Variants in GCGR observed in about 807,000 individuals in gnomAD.
GCGR encodes the protein glucagon receptor.
In GCGR, 41 loss-of-function variants were observed where a neutral mutation model predicts 56.1. That is an observed-to-expected ratio of 0.73 (90% confidence interval 0.57 to 0.95). GCGR has a LOEUF of 0.95. Among genes scored for constraint, GCGR ranks in the 40% least tolerant of loss-of-function variants. The pLI is 0.00. For missense variants in GCGR, 595 were observed against 638.2 expected (o/e 0.93, Z 0.73); for synonymous variants, 278 against 271.1 (o/e 1.03, Z -0.25).
Position 81,810,601 on chromosome 17 carries a change from G to A in GCGR, c.164-224G>A, listed in dbSNP as rs145742440. Among the ~76,000 whole-genome samples the A allele has an allele frequency of 3.0e-3, 457 of 152,190 alleles. 2 individuals carry two copies. The highest frequency in any genetic ancestry group is 0.01 in the African/African-American group (435 of 41,518). On this transcript the variant is annotated intron_variant, in intron 3 of 13. Coordinates refer to ENST00000400723, the MANE Select transcript of GCGR (RefSeq NM_000160.5). The surrounding 1 kb of genome is among the most constrained non-coding windows in gnomAD (Gnocchi z 4.6). ...GCTGCAATTCAGGGCTGGGCTGGGC[G>A]TGCTAGCGGAGGCTGGTCCAGGGGA... is the stretch of plus-strand genomic sequence containing the variant.
chr17:81,812,001 G>C lies in GCGR; in HGVS notation c.878+55G>C. On this transcript the variant is annotated intron_variant, in intron 9 of 13. Coordinates refer to ENST00000400723, the MANE Select transcript of GCGR (RefSeq NM_000160.5). This position sits in a 1 kb window ranked among gnomAD's most constrained non-coding sequence, Gnocchi z 8.5. The stretch of plus-strand genomic sequence containing the variant: ...AGGGACCGGGGGGCTGGGGTGCGGC[G>C]CTCTGGCCTGAGGCAGGGAGGGGCC... The C allele has an allele frequency of 6.5e-7, 1 of 1,533,206 alleles. No individual in the cohort carries two copies. The highest frequency in any genetic ancestry group is 8.7e-7 in the Non-Finnish European group (1 of 1,144,352). 95.0% of individuals were successfully genotyped at this position (1,533,206 alleles called of 1,614,324 possible).
At chr17:81,805,576 T>A (rs1233171625) in intron 1 of GCGR, among the ~76,000 whole-genome samples, 2 of 145,074 alleles carry the variant, frequency 1.4e-5, no homozygotes, top group African/African-American at 5.3e-5. Context: ...ACCCCCCACA[T>A]TGGGCACCTC....
rs914673538 is a variant in GCGR, at chr17:81,813,761, C to T, written c.*72C>T. The T allele has an allele frequency of 9.7e-5, 139 of 1,426,044 alleles. No homozygotes were observed. Among genetic ancestry groups the T allele is most frequent in the Non-Finnish European group, 1.0e-4 (109 of 1,064,700 alleles). 88.3% of individuals were successfully genotyped at this position (1,426,044 alleles called of 1,614,324 possible). A position where few individuals can be genotyped will look rare whatever the true frequency, so the allele number is the denominator to read the frequency against. ...CGTCGCTGGACAACCCAGAACTGGACGCCCAGCTGAGGCTGGGGGCGGGGG... is the reference window on the plus strand; with the variant it reads ...CGTCGCTGGACAACCCAGAACTGGATGCCCAGCTGAGGCTGGGGGCGGGGG... On this transcript the variant is annotated 3_prime_UTR_variant, in exon 14 of 14. Transcript: ENST00000400723. The surrounding 1 kb of genome is among the most constrained non-coding windows in gnomAD (Gnocchi z 5.3).
rs2037905410 is a variant in GCGR at position 81,804,485 on chromosome 17, C to A, written c.-178+236C>A. ...GCAGGTCCAGGGGTCTCAGCCCCTC[C>A]CCCGTTCTCTGGTCCTGGGGGGCGC... On this transcript the variant is annotated intron_variant, in intron 1 of 13. Transcript: ENST00000400723. The surrounding 1 kb of genome is among the most constrained non-coding windows in gnomAD (Gnocchi z 8.2). Among the ~76,000 whole-genome samples the A allele has an allele frequency of 6.6e-6, 1 of 151,738 alleles. No homozygotes were observed. Among genetic ancestry groups the A allele is most frequent in the African/African-American group, 2.4e-5 (1 of 41,342 alleles).
In GCGR at chr17:81,804,478, G is replaced by T. The variant is rs2037905112; in HGVS notation, c.-178+229G>T. On this transcript the variant is annotated intron_variant, in intron 1 of 13. Transcript: ENST00000400723. This position sits in a 1 kb window ranked among gnomAD's most constrained non-coding sequence, Gnocchi z 8.2. ...CCGTCGGGCAGGTCCAGGGGTCTCAGCCCCTCCCCCGTTCTCTGGTCCTGG... is the reference window on the plus strand; with the variant it reads ...CCGTCGGGCAGGTCCAGGGGTCTCATCCCCTCCCCCGTTCTCTGGTCCTGG... 6.6e-6 allele frequency among the ~76,000 whole-genome samples: 1 copy of T among 151,698 alleles called. No individual in the cohort carries two copies. Among genetic ancestry groups the T allele is most frequent in the South Asian group, 2.1e-4 (1 of 4,808 alleles).
chr17:81,810,756 G>C lies in GCGR; in HGVS notation c.164-69G>C. ...TCAGGCTTCCAGAGAGAGGAGAGAG[G>C]CCTGCTGAGGGAGCCCCTTCTCCCA... On this transcript the variant is annotated intron_variant, in intron 3 of 13. Coordinates refer to ENST00000400723, the MANE Select transcript of GCGR (RefSeq NM_000160.5). This position sits in a 1 kb window ranked among gnomAD's most constrained non-coding sequence, Gnocchi z 4.6. The C allele has an allele frequency of 1.4e-6, 2 of 1,394,820 alleles. No individual in the cohort carries two copies. The highest frequency in any genetic ancestry group is 2.0e-6 in the Non-Finnish European group (2 of 1,019,170). 86.4% of individuals were successfully genotyped at this position (1,394,820 alleles called of 1,614,324 possible). A position where few individuals can be genotyped will look rare whatever the true frequency, so the allele number is the denominator to read the frequency against.
chr17:81,807,696 C>T (rs1024832551), intron 1 of GCGR, among the ~76,000 whole-genome samples: 10 of 152,264 alleles, frequency 6.6e-5, no homozygotes, highest in Non-Finnish European at 1.5e-4. Context: ...CGTAACAGCC[C>T]GGGGGCTCAT....
In GCGR at chr17:81,804,931, G is replaced by C. The variant is rs377214123; in HGVS notation, c.-178+682G>C. Among the ~76,000 whole-genome samples, 13 of 152,290 alleles carry C rather than the reference G, an allele frequency of 8.5e-5. No homozygotes were observed. Among genetic ancestry groups the C allele is most frequent in the Admixed American group, 3.3e-4 (5 of 15,314 alleles). ...TCGGCGCCCGCATCCTCCAAGGACC[G>C]GCCAGGGCTGCTCTCTGCCCTTGGT... On this transcript the variant is annotated intron_variant, in intron 1 of 13. Transcript: ENST00000400723. The surrounding 1 kb of genome is among the most constrained non-coding windows in gnomAD (Gnocchi z 8.2).
chr17:81,808,382 A>AAT (rs1224167276), intron 1 of GCGR, among the ~76,000 whole-genome samples: 1 of 151,998 alleles, frequency 6.6e-6, no homozygotes, highest in Non-Finnish European at 1.5e-5. Flanking sequence ...ACCCAAGAGC[A>AAT]TTGGGTCAAC....
rs1196480030 is a variant in GCGR at position 81,811,740 on chromosome 17, G to A, written c.747G>A (p.Leu249=). The change falls in exon 8 of 14, where the codon CTG becomes CTA. Residue 249 remains leucine (L), a synonymous_variant. Transcript: ENST00000400723. This position sits in a 1 kb window ranked among gnomAD's most constrained non-coding sequence, Gnocchi z 5.8. Reference sequence around the variant, plus strand: ...GGCTGCTGGTGGAGGGCCTGTACCTGCACAACCTGCTGGGCCTGGCCACCC... The same window carrying A: ...GGCTGCTGGTGGAGGGCCTGTACCTACACAACCTGCTGGGCCTGGCCACCC... ...YCWLLVEGLY[L]HNLLGLATLP... 6.5e-7 allele frequency: 1 copy of A among 1,543,706 alleles called. No homozygotes were observed. The highest frequency in any genetic ancestry group is 8.7e-7 in the Non-Finnish European group (1 of 1,151,136).
chr17:81,805,493 GC>G (rs1161913564), intron 1 of GCGR, among the ~76,000 whole-genome samples: 17 of 147,914 alleles, frequency 1.1e-4, no homozygotes, highest in Non-Finnish European at 1.7e-4. Context: ...CACCTCGGGA[GC>G]CCCCCCATTG....
At position 81,813,786 on chromosome 17, in the gene GCGR, G is replaced by C; in HGVS notation, c.*97G>C. ...CGCCCAGCTGAGGCTGGGGGCGGGG[G>C]AGCCAACAGCAGCCCCCACCTACCC... is the stretch of plus-strand genomic sequence containing the variant. On this transcript the variant is annotated 3_prime_UTR_variant, in exon 14 of 14. Coordinates refer to ENST00000400723, the MANE Select transcript of GCGR (RefSeq NM_000160.5). This position sits in a 1 kb window ranked among gnomAD's most constrained non-coding sequence, Gnocchi z 5.3. The C allele has an allele frequency of 8.1e-7, 1 of 1,234,950 alleles. No individual in the cohort carries two copies. The highest frequency in any genetic ancestry group is 2.4e-5 in the Admixed American group (1 of 41,454). The allele number at this position is 1,234,950 out of a possible 1,614,324, so 76.5% of individuals were successfully genotyped here.
rs1383630322 is a variant in GCGR, at chr17:81,809,004, T to C, written c.-15T>C. ...GCCCCTGCCAGATGTGGGAGGCAGCTAGCTGCCCAGAGGCATGCCCCCCTG... is the reference window on the plus strand; with the variant it reads ...GCCCCTGCCAGATGTGGGAGGCAGCCAGCTGCCCAGAGGCATGCCCCCCTG... On this transcript the variant is annotated 5_prime_UTR_variant, in exon 2 of 14. Transcript: ENST00000400723. 13 of 1,535,926 alleles carry C rather than the reference T, an allele frequency of 8.5e-6. No individual in the cohort carries two copies. The highest frequency in any genetic ancestry group is 1.1e-5 in the Non-Finnish European group (13 of 1,146,862).
At chr17:81,808,717 C>T (rs909604889) in intron 1 of GCGR, 125 bp from the exon 2 acceptor site, 1 of 445,854 alleles carries the variant, frequency 2.2e-6, no homozygotes, top group Non-Finnish European at 4.1e-6. Context: ...GACGGGGTTT[C>T]ACTGTGTTAG....
chr17:81,809,392 C>T (rs1413475030), intron 2 of GCGR, among the ~76,000 whole-genome samples: 57 of 131,234 alleles, frequency 4.3e-4, no homozygotes, highest in Admixed American at 1.4e-3. Flanking sequence ...CCTGTCTGTC[C>T]GTCTGCCTGT....
chr17:81,807,427 G>A (rs755714311), intron 1 of GCGR, among the ~76,000 whole-genome samples: 4 of 152,196 alleles, frequency 2.6e-5, no homozygotes, highest in African/African-American at 7.2e-5. Flanking sequence ...CCCCGTTAGC[G>A]GGGCAGCCCT....
At position 81,809,088 on chromosome 17, in the gene GCGR, C is replaced by T. The variant is rs1215827609; in HGVS notation, c.60+10C>T. 6.5e-6 allele frequency: 10 copies of T among 1,535,446 alleles called. No homozygotes were observed. Among genetic ancestry groups the T allele is most frequent in the Non-Finnish European group, 8.7e-6 (10 of 1,146,600 alleles). On this transcript the variant is annotated intron_variant, in intron 2 of 13. Coordinates refer to ENST00000400723, the MANE Select transcript of GCGR (RefSeq NM_000160.5). Reference sequence around the variant, plus strand: ...GCTGCTGGCCTGCCAGGTGAGGACTCACAGCACCCTCAGCACCCAGGGGCC... The same window carrying T: ...GCTGCTGGCCTGCCAGGTGAGGACTTACAGCACCCTCAGCACCCAGGGGCC...
chr17:81,809,349 TGTCG>T (rs2038032529), intron 2 of GCGR, among the ~76,000 whole-genome samples: 1 of 148,402 alleles, frequency 6.7e-6, no homozygotes, highest in Non-Finnish European at 1.5e-5. Flanking sequence ...CCTGCCTGTC[TGTCG>T]GCCTGCCTGC....
In GCGR at chr17:81,813,476, G is replaced by A. The variant is rs981079098; in HGVS notation, c.1221G>A (p.Val407=). Residue 407 remains valine, a splice_region_variant and synonymous_variant, in exon 14 of 14, where the codon GTG becomes GTA. Transcript: ENST00000400723. This position sits in a 1 kb window ranked among gnomAD's most constrained non-coding sequence, Gnocchi z 5.3. ...AVLYCFLNKE[V]QSELRRRWHR... ...GCCTGCCCCGTCCCCCTCCCCAGGT[G>A]CAGTCGGAGCTGCGGCGGCGTTGGC... 6.5e-7 allele frequency: 1 copy of A among 1,534,610 alleles called. No homozygotes were observed. Among genetic ancestry groups the A allele is most frequent in the African/African-American group, 1.4e-5 (1 of 72,998 alleles).
Sources: gnomAD v4.1 joint callset for allele counts (sites outside exome capture counted in the v4.1 genomes callset) on GRCh38, gnomAD v4.1.1 for gene constraint, Gnocchi (gnomAD v3.1) non-coding constraint, MANE v1.5 for transcripts, NCBI Gene and HGNC (gene_info 2026-07-23, HGNC 2026-07-21) for gene names.